Variants in CHRNA7 observed in about 807,000 individuals in gnomAD.
CHRNA7 encodes the protein cholinergic receptor nicotinic alpha 7 subunit, also known as neuronal acetylcholine receptor subunit alpha-7.
CHRNA7 carries 17 observed loss-of-function variants against 48.0 expected under a neutral mutation model. That is an observed-to-expected ratio of 0.35 (90% CI 0.24 to 0.53). The LOEUF (loss-of-function observed/expected upper bound fraction) is 0.53. CHRNA7 is among the 20% of genes least tolerant of loss of function. CHRNA7 has a pLI of 0.92. For missense variants in CHRNA7, 155 were observed against 577.7 expected (o/e 0.27, Z 7.50); for synonymous variants, 75 against 242.3 (o/e 0.31, Z 6.41).
chr15:32,154,838 T>A (rs2051703180), intron 5 of CHRNA7, among the ~76,000 whole-genome samples: 1 of 99,312 alleles, frequency 1.0e-5, no homozygotes, highest in Non-Finnish European at 1.9e-5. Context: ...CACTCACACA[T>A]ACCACACACC....
intron 4 of CHRNA7, among the ~76,000 whole-genome samples, chr15:32,137,122 A>G (rs1300155052): frequency 6.6e-6 from 1 of 151,918 alleles, no homozygotes; most frequent in African/African-American, 2.4e-5. Flanking sequence ...ATTAGATGGT[A>G]GAAATGAAAA....
chr15:32,136,516 A>G (rs1032934924), intron 4 of CHRNA7, among the ~76,000 whole-genome samples: 1 of 149,016 alleles, frequency 6.7e-6, no homozygotes, highest in African/African-American at 2.5e-5. Flanking sequence ...AAAAAAAAAG[A>G]TGGAATTAAA....
intron 4 of CHRNA7, among the ~76,000 whole-genome samples, chr15:32,151,333 G>T (rs186286586): frequency 1.3e-5 from 2 of 151,842 alleles, no homozygotes; most frequent in Admixed American, 6.6e-5. Flanking sequence ...CTCTTTTATC[G>T]ATCTCCAGGT....
At chr15:32,077,570 A>G (rs915691731) in intron 2 of CHRNA7, among the ~76,000 whole-genome samples, 1 of 152,194 alleles carries the variant, frequency 6.6e-6, no homozygotes, top group Non-Finnish European at 1.5e-5. Context: ...ATATTTTCAT[A>G]TGTTGATCTG....
intron 2 of CHRNA7, among the ~76,000 whole-genome samples, chr15:32,091,302 A>T (rs1360468777): frequency 6.6e-6 from 1 of 151,998 alleles, no homozygotes; most frequent in Non-Finnish European, 1.5e-5. Context: ...TTTGATCAGG[A>T]GGGTATAATC....
chr15:32,033,484 C>A (rs2141158823), intron 2 of CHRNA7, among the ~76,000 whole-genome samples: 1 of 152,304 alleles, frequency 6.6e-6, no homozygotes, highest in African/African-American at 2.4e-5. Context: ...TCTGCTGCTT[C>A]CTTTAGACTT....
At chr15:32,082,367 T>A (rs1205069864) in intron 2 of CHRNA7, among the ~76,000 whole-genome samples, 1 of 149,172 alleles carries the variant, frequency 6.7e-6, no homozygotes, top group African/African-American at 2.5e-5. Flanking sequence ...TAAGTCTGAC[T>A]TTTTTTTCAG....
At chr15:32,133,154 GTCCTTGT>G (rs2051185355) in intron 4 of CHRNA7, among the ~76,000 whole-genome samples, 1 of 152,196 alleles carries the variant, frequency 6.6e-6, no homozygotes, top group Non-Finnish European at 1.5e-5. Flanking sequence ...ATGATGAATA[GTCCTTGT>G]GTGCATAGTA....
chr15:32,049,725 C>A (rs920732995), intron 2 of CHRNA7, among the ~76,000 whole-genome samples: 4 of 152,160 alleles, frequency 2.6e-5, no homozygotes, highest in African/African-American at 9.7e-5. Flanking sequence ...TTAGTTGATG[C>A]AGTTTCTTCC....
chr15:32,127,251 A>T (rs571100329), intron 4 of CHRNA7, among the ~76,000 whole-genome samples: 1 of 152,124 alleles, frequency 6.6e-6, no homozygotes, highest in African/African-American at 2.4e-5. Flanking sequence ...GTTTTTCGCT[A>T]TTGCAATCAT....
intron 4 of CHRNA7, among the ~76,000 whole-genome samples, chr15:32,122,554 G>T (rs1166157006): frequency 6.6e-6 from 1 of 151,714 alleles, no homozygotes; most frequent in East Asian, 1.9e-4. Flanking sequence ...ATGGCTTTGG[G>T]GTCCCAGACC....
chr15:32,154,867 CCACTCACACACAT>C (rs2051705329), intron 5 of CHRNA7, among the ~76,000 whole-genome samples: 4 of 11,808 alleles, frequency 3.4e-4, no homozygotes, highest in East Asian at 2.0e-3. Flanking sequence ...CTCACACACA[CCACTCACACACAT>C]CACTCACATA....
intron 2 of CHRNA7, among the ~76,000 whole-genome samples, chr15:32,084,163 T>G (rs1057123092): frequency 5.9e-5 from 9 of 152,214 alleles, no homozygotes; most frequent in Admixed American, 1.3e-4. Flanking sequence ...ACTCGCTATT[T>G]ATAAATTTTA....
chr15:32,040,337 CTT>C (rs2049425113), intron 2 of CHRNA7, among the ~76,000 whole-genome samples: 1 of 151,450 alleles, frequency 6.6e-6, no homozygotes, highest in South Asian at 2.1e-4. Flanking sequence ...TCCACTCTGA[CTT>C]TTATGGTTTA....
At chr15:32,036,227 T>C (rs942558785) in intron 2 of CHRNA7, among the ~76,000 whole-genome samples, 2 of 152,222 alleles carry the variant, frequency 1.3e-5, no homozygotes, top group African/African-American at 4.8e-5. Flanking sequence ...GTAATATGCA[T>C]TTATGCTCTC....
At chr15:32,100,612 G>A (rs78233025) in intron 2 of CHRNA7, 2,127 of 154,622 alleles carry the variant, frequency 0.014, 52 homozygotes, top group African/African-American at 0.047. Flanking sequence ...TGGAAATGTA[G>A]GAAAATAAGC....
intron 2 of CHRNA7, among the ~76,000 whole-genome samples, chr15:32,047,538 C>T (rs2049574771): frequency 6.6e-6 from 1 of 152,192 alleles, no homozygotes. Flanking sequence ...TGAGACTTTG[C>T]TGAAGTTGCT....
chr15:32,124,225 A>G (rs561372626), intron 4 of CHRNA7, among the ~76,000 whole-genome samples: 1 of 152,328 alleles, frequency 6.6e-6, no homozygotes, highest in South Asian at 2.1e-4. Flanking sequence ...TGCCATAAGA[A>G]GAAACAGATT....
At chr15:32,074,095 A>G (rs1447018008) in intron 2 of CHRNA7, among the ~76,000 whole-genome samples, 2 of 150,410 alleles carry the variant, frequency 1.3e-5, no homozygotes, top group Non-Finnish European at 3.0e-5. Context: ...GTTAATGTAT[A>G]TTTAATTTTG....
Sources: allele counts gnomAD v4.1 joint callset (sites outside exome capture counted in the v4.1 genomes callset), GRCh38; gene constraint gnomAD v4.1.1; transcripts MANE v1.5; gene names NCBI Gene and HGNC (gene_info 2026-07-23, HGNC 2026-07-21).